Variants in STAP1 observed in about 807,000 individuals in gnomAD.
STAP1 encodes the protein signal-transducing adaptor protein 1.
In STAP1, 30 loss-of-function variants were observed where a neutral mutation model predicts 37.8. The observed-to-expected ratio is 0.79, with a 90% confidence interval of 0.59 to 1.08. The LOEUF is 1.08. Among genes scored for constraint, STAP1 ranks in the 50% least tolerant of loss-of-function variants. The pLI is 0.00. For missense variants in STAP1, 357 were observed against 349.4 expected (o/e 1.02, Z -0.17); for synonymous variants, 130 against 116.0 (o/e 1.12, Z -0.78).
chr4:67,575,276 A>G (rs1727692040), intron 2 of STAP1, 109 bp from the exon 3 acceptor site: 1 of 646,226 alleles, frequency 1.5e-6, no homozygotes, highest in Non-Finnish European at 2.5e-6. Flanking sequence ...AGGATATCAT[A>G]CAAAGTACTA....
At chr4:67,564,916 AAAAC>A (rs1159027837) in intron 1 of STAP1, among the ~76,000 whole-genome samples, 6 of 152,126 alleles carry the variant, frequency 3.9e-5, no homozygotes, top group Admixed American at 6.5e-5. Context: ...ACTCCATCTC[AAAAC>A]AAACAAACAA....
At position 67,593,192 on chromosome 4, in the gene STAP1, T is replaced by C. The variant is rs562714980; in HGVS notation, c.730-68T>C. On this transcript the variant is annotated intron_variant, in intron 7 of 8. Coordinates refer to ENST00000265404, the MANE Select transcript of STAP1 (RefSeq NM_012108.4). Reference sequence around the variant, plus strand: ...GACAGTAATCTCCATTAGATTCCAGTTGAGCCTTCTCTTACTCTATACTTA... The same window carrying C: ...GACAGTAATCTCCATTAGATTCCAGCTGAGCCTTCTCTTACTCTATACTTA... 7.3e-6 allele frequency: 8 copies of C among 1,099,006 alleles called. No individual in the cohort carries two copies. In the Admixed American group the frequency reaches 8.9e-5, roughly 12 times the overall value. The allele number at this position is 1,099,006 out of a possible 1,614,324, so 68.1% of individuals were successfully genotyped here. A position where few individuals can be genotyped will look rare whatever the true frequency, so the allele number is the denominator to read the frequency against.
At position 67,558,747 on chromosome 4, in the gene STAP1, CA is replaced by C; in HGVS notation, c.-62del. 1.9e-6 allele frequency: 3 copies of C among 1,568,810 alleles called. No homozygotes were observed. The South Asian group carries it at 3.6e-5, about 19-fold the overall frequency. On this transcript the variant is annotated 5_prime_UTR_variant, in exon 1 of 9. Coordinates refer to ENST00000265404, the MANE Select transcript of STAP1 (RefSeq NM_012108.4). ...TCTTTGAACAGTTGCCTTTTCCTCT[CA>C]CAGAAGGAAGATTTCATTTTGTTTG...
chr4:67,603,026 G>C (rs1373983473), intron 8 of STAP1, among the ~76,000 whole-genome samples: 1 of 151,874 alleles, frequency 6.6e-6, no homozygotes, highest in Non-Finnish European at 1.5e-5. Context: ...CCAGGAGCCA[G>C]GGCCTGGAGT....
chr4:67,577,115 T>C, intron 3 of STAP1, 88 bp from the exon 4 acceptor site: 1 of 1,194,678 alleles, frequency 8.4e-7, no homozygotes, highest in South Asian at 1.6e-5. Context: ...TGAATTATTT[T>C]TTAGGCTCAG....
intron 7 of STAP1, among the ~76,000 whole-genome samples, chr4:67,591,847 A>G (rs537428266): frequency 7.9e-5 from 12 of 152,358 alleles, no homozygotes; most frequent in African/African-American, 2.4e-4. Flanking sequence ...AAAGCTTCTC[A>G]GTTATCAGAT....
intron 1 of STAP1, 151 bp downstream of exon 1, chr4:67,559,080 C>T: frequency 1.3e-6 from 1 of 751,044 alleles, no homozygotes; most frequent in Non-Finnish European, 1.9e-6. Context: ...TCCAATTTTT[C>T]ATAATTTAAA....
At chr4:67,599,131 G>A (rs1282769523) in intron 8 of STAP1, among the ~76,000 whole-genome samples, 1 of 152,142 alleles carries the variant, frequency 6.6e-6, no homozygotes, top group Admixed American at 6.5e-5. Context: ...TTTTGTTGAG[G>A]AGTTTTACAT....
intron 8 of STAP1, among the ~76,000 whole-genome samples, chr4:67,598,102 T>A (rs1334094658): frequency 6.6e-6 from 1 of 151,904 alleles, no homozygotes; most frequent in South Asian, 2.1e-4. Flanking sequence ...TGGTGGGAGG[T>A]GATTGGATCA....
chr4:67,593,362 T>C lies in STAP1; in HGVS notation c.826+6T>C. On this transcript the variant is annotated splice_donor_region_variant and intron_variant, in intron 8 of 8. Coordinates refer to ENST00000265404, the MANE Select transcript of STAP1 (RefSeq NM_012108.4). Reference sequence around the variant, plus strand: ...TTCAACTGATGAAAACACTGGTATGTTTTTCACTTCATTGCTATGTTAAGG... The same window carrying C: ...TTCAACTGATGAAAACACTGGTATGCTTTTCACTTCATTGCTATGTTAAGG... 1 of 1,588,504 alleles carries C rather than the reference T, an allele frequency of 6.3e-7. No individual in the cohort carries two copies. The highest frequency in any genetic ancestry group is 8.6e-7 in the Non-Finnish European group (1 of 1,160,602).
chr4:67,605,788 T>G (rs1394738326), intron 8 of STAP1, among the ~76,000 whole-genome samples: 1 of 152,200 alleles, frequency 6.6e-6, no homozygotes, highest in Non-Finnish European at 1.5e-5. Context: ...GACTCATAGC[T>G]GGCTGTGGCA....
chr4:67,581,091 G>C (rs1727843108), intron 4 of STAP1, among the ~76,000 whole-genome samples: 1 of 152,212 alleles, frequency 6.6e-6, no homozygotes, highest in Non-Finnish European at 1.5e-5. Context: ...CTTGGCAGAA[G>C]GGTAGGCACT....
intron 8 of STAP1, among the ~76,000 whole-genome samples, chr4:67,594,494 T>C (rs1728182385): frequency 6.6e-6 from 1 of 152,152 alleles, no homozygotes. Context: ...AGGGCTTAAA[T>C]TTGATTTTTG....
In STAP1 at chr4:67,590,881, T is replaced by C. The variant is rs1339228492; in HGVS notation, c.660-3T>C. 5.6e-6 allele frequency: 9 copies of C among 1,608,600 alleles called. No homozygotes were observed. In the South Asian group the frequency reaches 8.9e-5, roughly 16 times the overall value. Reference sequence around the variant, plus strand: ...TGGAGACTAACCATTTGTTTCATTGTAGCATTCCAAGAATCAAGCACTACA... The same window carrying C: ...TGGAGACTAACCATTTGTTTCATTGCAGCATTCCAAGAATCAAGCACTACA... On this transcript the variant is annotated splice_region_variant and splice_polypyrimidine_tract_variant and intron_variant, in intron 6 of 8. Coordinates refer to ENST00000265404, the MANE Select transcript of STAP1 (RefSeq NM_012108.4).
At chr4:67,567,436 C>A (rs1474671675) in intron 1 of STAP1, among the ~76,000 whole-genome samples, 3 of 152,176 alleles carry the variant, frequency 2.0e-5, no homozygotes, top group Non-Finnish European at 4.4e-5. Context: ...TTCCAATGTG[C>A]CCCTGAGGTT....
intron 1 of STAP1, among the ~76,000 whole-genome samples, chr4:67,560,652 C>CTG (rs774715747): frequency 0.015 from 2,249 of 149,814 alleles, 26 homozygotes; most frequent in East Asian, 0.067. Flanking sequence ...GGGTGTGTGT[C>CTG]TGTGTGTGTG....
At chr4:67,598,367 T>C (rs771122286) in intron 8 of STAP1, among the ~76,000 whole-genome samples, 3 of 152,184 alleles carry the variant, frequency 2.0e-5, no homozygotes, top group African/African-American at 7.2e-5. Flanking sequence ...CTGTTCTCTA[T>C]AGTTGCTCTA....
chr4:67,579,921 A>C (rs1030300003), intron 4 of STAP1, among the ~76,000 whole-genome samples: 23 of 152,098 alleles, frequency 1.5e-4, no homozygotes, highest in Admixed American at 1.5e-3. Flanking sequence ...GCTGGAGTGC[A>C]GTGGCTTGAT....
intron 7 of STAP1, among the ~76,000 whole-genome samples, chr4:67,592,562 C>G (rs569340296): frequency 6.6e-6 from 1 of 152,146 alleles, no homozygotes; most frequent in African/African-American, 2.4e-5. Flanking sequence ...CCTTCAGGGA[C>G]TAGGACGCAG....
Sources: allele counts gnomAD v4.1 joint callset (sites outside exome capture counted in the v4.1 genomes callset), GRCh38; gene constraint gnomAD v4.1.1; transcripts MANE v1.5; gene names NCBI Gene and HGNC (gene_info 2026-07-23, HGNC 2026-07-21).